The following STPG2 variants were observed in gnomAD, a reference collection of about 807,000 sequenced individuals.
STPG2 encodes the protein sperm-tail PG-rich repeat-containing protein 2.
A neutral mutation model predicts 54.2 loss-of-function variants in STPG2; 56 were observed. The observed-to-expected ratio is 1.03, with a 90% CI of 0.83 to 1.29. STPG2 has a LOEUF of 1.29. Ranked by LOEUF, STPG2 falls within the 50% of genes most tolerant of loss-of-function variation. The probability of loss-of-function intolerance (pLI) is 0.00; values close to 1 mark genes in which losing one functional copy is unlikely to be tolerated. For missense variants in STPG2, 596 were observed against 544.9 expected (o/e 1.09, Z -0.93); for synonymous variants, 200 against 181.8 (o/e 1.10, Z -0.81).
chr4:98,088,314 T>C (rs1170889173), intron 5 of STPG2, among the ~76,000 whole-genome samples: 1 of 152,206 alleles, frequency 6.6e-6, no homozygotes, highest in African/African-American at 2.4e-5. Flanking sequence ...ATATTTCACA[T>C]ATATGCTCTT....
chr4:97,926,442 T>C (rs538487055), intron 8 of STPG2, among the ~76,000 whole-genome samples: 1 of 152,268 alleles, frequency 6.6e-6, no homozygotes, highest in Non-Finnish European at 1.5e-5. Flanking sequence ...ACTTTTCCTA[T>C]TCTCTTTCTC....
intron 3 of STPG2, among the ~76,000 whole-genome samples, chr4:98,115,113 C>T (rs187485926): frequency 1.8e-4 from 27 of 152,058 alleles, no homozygotes; most frequent in Non-Finnish European, 3.1e-4. Context: ...AGAAGAATTA[C>T]TAACTGCCAC....
At chr4:97,595,607 A>T (rs964049527) in intron 10 of STPG2, among the ~76,000 whole-genome samples, 9 of 152,112 alleles carry the variant, frequency 5.9e-5, no homozygotes, top group Non-Finnish European at 1.3e-4. Flanking sequence ...ATAAAAATAA[A>T]AAAACAAAAA....
chr4:97,781,366 C>T (rs991518628), intron 9 of STPG2, among the ~76,000 whole-genome samples: 1 of 152,080 alleles, frequency 6.6e-6, no homozygotes, highest in African/African-American at 2.4e-5. Context: ...ATACACCCTC[C>T]CAAGACTAAA....
chr4:98,098,889 T>C (rs1738939689), intron 5 of STPG2, among the ~76,000 whole-genome samples: 2 of 152,262 alleles, frequency 1.3e-5, no homozygotes, highest in African/African-American at 4.8e-5. Flanking sequence ...TAATTGATCA[T>C]CAGAGAAATC....
In STPG2 at chr4:97,514,985, G is replaced by A. The variant is rs974165283; in HGVS notation, c.462+197714C>T. ...ATGGGTCTTTAAACCCAAGATGTTA[G>A]TGAAATCAAGCTAAATTCAAAATAA... On this transcript the variant is annotated intron_variant, in intron 4 of 4. Transcript: ENST00000522676. 2.0e-5 allele frequency among the ~76,000 whole-genome samples: 3 copies of A among 152,088 alleles called. No individual in the cohort carries two copies. In the East Asian group the frequency reaches 5.8e-4, roughly 29 times the overall value.
intron 4 of STPG2, among the ~76,000 whole-genome samples, chr4:97,458,228 G>T (rs1729575845): frequency 6.6e-6 from 1 of 152,142 alleles, no homozygotes; most frequent in Admixed American, 6.5e-5. Flanking sequence ...GAAAGTACTT[G>T]TCTGCAGCAA....
At chr4:97,823,584 T>C (rs1728156474) in intron 9 of STPG2, among the ~76,000 whole-genome samples, 1 of 152,228 alleles carries the variant, frequency 6.6e-6, no homozygotes, top group South Asian at 2.1e-4. Context: ...TGCTTTCATT[T>C]TACTCTGTGG....
chr4:97,844,830 AC>A (rs1160453780), intron 8 of STPG2, among the ~76,000 whole-genome samples: 1 of 151,968 alleles, frequency 6.6e-6, no homozygotes, highest in Non-Finnish European at 1.5e-5. Context: ...CTTGACATTG[AC>A]CCACAGGTCT....
intron 8 of STPG2, among the ~76,000 whole-genome samples, chr4:97,845,468 T>A (rs80047508): frequency 0.055 from 8,394 of 152,262 alleles, 349 homozygotes; most frequent in South Asian, 0.17. Flanking sequence ...TGAATTTGTC[T>A]TTTTCTCCTT....
chr4:97,564,804 T>C (rs1355760301), intron 10 of STPG2, among the ~76,000 whole-genome samples: 1 of 152,156 alleles, frequency 6.6e-6, no homozygotes, highest in Non-Finnish European at 1.5e-5. Context: ...GAGAGATCCA[T>C]GGTTAGTCTG....
At chr4:97,573,357 C>T (rs1007439533) in intron 10 of STPG2, among the ~76,000 whole-genome samples, 3 of 151,814 alleles carry the variant, frequency 2.0e-5, no homozygotes, top group African/African-American at 4.8e-5. Flanking sequence ...TCACCCAAAC[C>T]GCACAAGTAA....
intron 4 of STPG2, among the ~76,000 whole-genome samples, chr4:97,497,924 T>C (rs370080102): frequency 1.3e-5 from 2 of 151,864 alleles, no homozygotes; most frequent in Non-Finnish European, 2.9e-5. Context: ...CAATATAACT[T>C]ACTAAGGCTG....
intron 5 of STPG2, among the ~76,000 whole-genome samples, chr4:98,001,711 T>C (rs1735420578): frequency 6.6e-6 from 1 of 152,150 alleles, no homozygotes; most frequent in African/African-American, 2.4e-5. Flanking sequence ...AGGAAATCAC[T>C]CATGCTTATC....
chr4:97,797,745 T>C, intron 9 of STPG2, among the ~76,000 whole-genome samples: 1 of 152,214 alleles, frequency 6.6e-6, no homozygotes, highest in Non-Finnish European at 1.5e-5. Flanking sequence ...TTGACTGGAA[T>C]AGTTTCAGAA....
At chr4:97,855,541 A>G (rs182121591) in intron 8 of STPG2, among the ~76,000 whole-genome samples, 235 of 151,486 alleles carry the variant, frequency 1.6e-3, no homozygotes, top group African/African-American at 5.6e-3. Flanking sequence ...TGTAAATTTA[A>G]GTTCCTGTAG....
intron 8 of STPG2, among the ~76,000 whole-genome samples, chr4:97,886,116 T>A (rs1169572483): frequency 6.6e-6 from 1 of 152,100 alleles, no homozygotes; most frequent in Non-Finnish European, 1.5e-5. Context: ...CAACAAAATC[T>A]TCTTGAGGAA....
intron 10 of STPG2, among the ~76,000 whole-genome samples, chr4:97,628,679 T>C (rs1276436396): frequency 6.6e-6 from 1 of 152,142 alleles, no homozygotes; most frequent in Non-Finnish European, 1.5e-5. Flanking sequence ...AATTCAGTTA[T>C]TACAGCCTGT....
chr4:97,698,697 T>C (rs936954134), intron 10 of STPG2, among the ~76,000 whole-genome samples: 2 of 152,132 alleles, frequency 1.3e-5, no homozygotes, highest in Non-Finnish European at 2.9e-5. Flanking sequence ...TATTGGAGGC[T>C]GATTCAGAGC....
Sources: gnomAD v4.1 joint callset for allele counts (sites outside exome capture counted in the v4.1 genomes callset) on GRCh38, gnomAD v4.1.1 for gene constraint, MANE v1.5 for transcripts, NCBI Gene and HGNC (gene_info 2026-07-23, HGNC 2026-07-21) for gene names.